TMCC1: variants seen among roughly 807,000 people sequenced by gnomAD.
The protein encoded by TMCC1 is transmembrane and coiled-coil domains protein 1.
A neutral mutation model predicts 52.4 loss-of-function variants in TMCC1; 15 were observed. The observed-to-expected ratio is 0.29, with a 90% confidence interval of 0.19 to 0.44. The LOEUF is 0.44. Ranked by LOEUF, TMCC1 falls within the 20% of genes least tolerant of loss-of-function variation. The pLI is 1.00. For missense variants in TMCC1, 503 were observed against 806.0 expected, an observed-to-expected ratio of 0.62 and a Z score of 4.55; for synonymous variants, 279 against 301.9, an observed-to-expected ratio of 0.92 and a Z score of 0.79.
chr3:129,767,372 CA>C (rs2054212710), intron 4 of TMCC1, among the ~76,000 whole-genome samples: 1 of 151,364 alleles, frequency 6.6e-6, no homozygotes, highest in Non-Finnish European at 1.5e-5. Context: ...TTACCACAGT[CA>C]ATTTTTTTTT....
intron 2 of TMCC1, among the ~76,000 whole-genome samples, chr3:129,844,933 T>C (rs2059590292): frequency 6.6e-6 from 1 of 152,192 alleles, no homozygotes; most frequent in Non-Finnish European, 1.5e-5. Flanking sequence ...TCAGTATATC[T>C]AGAGGACAAT....
chr3:129,752,657 C>A (rs1324978019), intron 4 of TMCC1, among the ~76,000 whole-genome samples: 1 of 150,010 alleles, frequency 6.7e-6, no homozygotes, highest in African/African-American at 2.4e-5. Context: ...CAGAGCAAGA[C>A]TGTCACACAC....
rs533423517 is a variant in TMCC1, at chr3:129,647,997, T to C, written c.*3484A>G. On this transcript the variant is annotated 3_prime_UTR_variant, in exon 7 of 7. Transcript: ENST00000393238. ...CAAGTGAGTTTTTATTCTTACACAC[T>C]TTGATAAAACACACAGTCTAGTAGT... 1 of 152,782 alleles carries C rather than the reference T, an allele frequency of 6.5e-6. No individual in the cohort carries two copies. The highest frequency in any genetic ancestry group is 2.4e-5 in the African/African-American group (1 of 41,590). The allele number at this position is 152,782 out of a possible 1,614,324, so 9.5% of individuals were successfully genotyped here. A position where few individuals can be genotyped will look rare whatever the true frequency, so the allele number is the denominator to read the frequency against.
intron 4 of TMCC1, among the ~76,000 whole-genome samples, chr3:129,767,161 T>C (rs2107692565): frequency 6.6e-6 from 1 of 151,080 alleles, no homozygotes; most frequent in Non-Finnish European, 1.5e-5. Context: ...CTCAGGAGGC[T>C]GAGGCAACAG....
At chr3:129,675,889 T>C (rs2088388092) in intron 4 of TMCC1, among the ~76,000 whole-genome samples, 1 of 151,722 alleles carries the variant, frequency 6.6e-6, no homozygotes, top group Non-Finnish European at 1.5e-5. Context: ...TACAAAAAAT[T>C]AGCTGGGCGT....
intron 4 of TMCC1, among the ~76,000 whole-genome samples, chr3:129,770,454 T>C (rs752872205): frequency 1.3e-5 from 2 of 152,162 alleles, no homozygotes; most frequent in African/African-American, 2.4e-5. Flanking sequence ...AGGTAGAGGT[T>C]GCAGTCCCAG....
intron 4 of TMCC1, among the ~76,000 whole-genome samples, chr3:129,760,234 G>C (rs1007998658): frequency 6.6e-6 from 1 of 151,892 alleles, no homozygotes. Context: ...TTTTGAGACA[G>C]GGTCTTGTTC....
intron 4 of TMCC1, among the ~76,000 whole-genome samples, chr3:129,692,151 T>C (rs1018497676): frequency 2.6e-5 from 4 of 152,230 alleles, no homozygotes; most frequent in African/African-American, 9.6e-5. Flanking sequence ...TTTTTTCATG[T>C]AGAAAAAATT....
Position 129,651,822 on chromosome 3 carries a change from A to G in TMCC1, c.1648-27T>C, listed in dbSNP as rs748301424. 6 of 1,596,604 alleles carry G rather than the reference A, an allele frequency of 3.8e-6. No individual in the cohort carries two copies. In the South Asian group the frequency reaches 5.6e-5, roughly 15 times the overall value. ...TGTGGGCCAGAACAGGGAAGAGTTA[A>G]GCCTTCTGCTCACAAGTATTCTGAG... On this transcript the variant is annotated intron_variant, in intron 6 of 6. Transcript: ENST00000393238. This position sits in a 1 kb window ranked among gnomAD's most constrained non-coding sequence, Gnocchi z 5.1.
chr3:129,840,816 CCT>C (rs2059391934), intron 2 of TMCC1, among the ~76,000 whole-genome samples: 1 of 152,176 alleles, frequency 6.6e-6, no homozygotes, highest in Admixed American at 6.5e-5. Context: ...TCAAATTAAA[CCT>C]CTTTTCTTTA....
chr3:129,783,284 A>C (rs1398294449), intron 4 of TMCC1, among the ~76,000 whole-genome samples: 2 of 152,178 alleles, frequency 1.3e-5, no homozygotes, highest in African/African-American at 4.8e-5. Flanking sequence ...GAAACGGGAA[A>C]TCTCATTAGG....
At chr3:129,785,609 A>G (rs984621154) in intron 4 of TMCC1, among the ~76,000 whole-genome samples, 3 of 146,142 alleles carry the variant, frequency 2.1e-5, no homozygotes, top group African/African-American at 7.3e-5. Flanking sequence ...ACATACACAC[A>G]CACAGAAGGA....
intron 2 of TMCC1, among the ~76,000 whole-genome samples, chr3:129,866,274 TATATATAC>T (rs1417318645): frequency 7.2e-6 from 1 of 139,854 alleles, no homozygotes; most frequent in African/African-American, 2.6e-5. Context: ...ACATATATAA[TATATATAC>T]ATATATACAT....
chr3:129,883,422 G>A (rs377585162), intron 1 of TMCC1, among the ~76,000 whole-genome samples: 1 of 152,046 alleles, frequency 6.6e-6, no homozygotes, highest in South Asian at 2.1e-4. Context: ...AGATCAGTCC[G>A]GGCAACATGG....
At chr3:129,738,507 AATTT>A (rs930008423) in intron 4 of TMCC1, among the ~76,000 whole-genome samples, 70 of 137,756 alleles carry the variant, frequency 5.1e-4, no homozygotes, top group African/African-American at 2.1e-3. Flanking sequence ...TGACTTGTAA[AATTT>A]ATTTGTTTTT....
rs187809837 is a variant in TMCC1 at position 129,651,987 on chromosome 3, C to T, written c.1648-192G>A. ...AGTGATTATTATTCCCCCAAATTGC[C>T]CTCCACTGCATTCCAGTGGGATGAG... On this transcript the variant is annotated intron_variant, in intron 6 of 6. Coordinates refer to ENST00000393238, the MANE Select transcript of TMCC1 (RefSeq NM_001017395.5). The surrounding 1 kb of genome is among the most constrained non-coding windows in gnomAD (Gnocchi z 5.1). Among the ~76,000 whole-genome samples, 145 of 152,368 alleles carry T rather than the reference C, an allele frequency of 9.5e-4. No individual in the cohort carries two copies. The highest frequency in any genetic ancestry group is 3.2e-3 in the African/African-American group (134 of 41,582).
intron 4 of TMCC1, among the ~76,000 whole-genome samples, chr3:129,725,385 A>G (rs1183422463): frequency 6.6e-6 from 1 of 152,206 alleles, no homozygotes; most frequent in Non-Finnish European, 1.5e-5. Flanking sequence ...TTGGGATTAC[A>G]GATGTGAGCC....
intron 2 of TMCC1, among the ~76,000 whole-genome samples, chr3:129,833,976 C>T (rs575531118): frequency 6.6e-6 from 1 of 152,188 alleles, no homozygotes; most frequent in Non-Finnish European, 1.5e-5. Context: ...AGCATATGAC[C>T]CTGCCCTCGA....
At chr3:129,794,360 C>G (rs1410915734) in intron 4 of TMCC1, 1 of 456,206 alleles carries the variant, frequency 2.2e-6, no homozygotes, top group South Asian at 1.5e-5. Context: ...AGCGCTGAAC[C>G]ATGATCACCC....
Sources: gnomAD v4.1 joint callset for allele counts (sites outside exome capture counted in the v4.1 genomes callset) on GRCh38, gnomAD v4.1.1 for gene constraint, Gnocchi (gnomAD v3.1) non-coding constraint, MANE v1.5 for transcripts, NCBI Gene and HGNC (gene_info 2026-07-23, HGNC 2026-07-21) for gene names.